ZPLD1: variants seen among roughly 807,000 people sequenced by gnomAD.
The protein encoded by ZPLD1 is zona pellucida like domain containing 1, also known as zona pellucida-like domain-containing protein 1.
A neutral mutation model predicts 47.2 loss-of-function variants in ZPLD1; 34 were observed. The ratio of observed to expected loss-of-function variants is 0.72; its 90% CI spans 0.55 to 0.96. The LOEUF (loss-of-function observed/expected upper bound fraction) is 0.96, where lower values mean the gene tolerates loss of function less well. Ranked by LOEUF, ZPLD1 falls within the 40% of genes least tolerant of loss-of-function variation. ZPLD1 has a pLI of 0.00. For synonymous variants in ZPLD1, 176 were observed against 186.2 expected, an observed-to-expected ratio of 0.95 and a Z score of 0.45; for missense variants, 512 against 505.8, an observed-to-expected ratio of 1.01 and a Z score of -0.12.
chr3:102,454,308 G>A (rs935956993), intron 4 of ZPLD1, among the ~76,000 whole-genome samples: 2 of 152,122 alleles, frequency 1.3e-5, no homozygotes, highest in African/African-American at 4.8e-5. Flanking sequence ...GTGCAGAGAG[G>A]TTATGAAGTG....
At chr3:102,396,504 A>G (rs917991653) in intron 7 of ZPLD1, among the ~76,000 whole-genome samples, 3 of 152,164 alleles carry the variant, frequency 2.0e-5, no homozygotes, top group East Asian at 1.9e-4. Context: ...ATTATTTGGT[A>G]TTGATTACAT....
chr3:102,422,350 T>A (rs761158771), intron 8 of ZPLD1, among the ~76,000 whole-genome samples: 1 of 152,038 alleles, frequency 6.6e-6, no homozygotes, highest in Non-Finnish European at 1.5e-5. Context: ...TGGGGAACTA[T>A]TCCTGGTATA....
At chr3:102,435,832 C>T (rs577413674) in intron 1 of ZPLD1, among the ~76,000 whole-genome samples, 5 of 151,950 alleles carry the variant, frequency 3.3e-5, no homozygotes, top group Admixed American at 2.0e-4. Flanking sequence ...TTACTAGAGA[C>T]GGTGTTTCAC....
chr3:102,432,300 A>C (rs1707025583), upstream of ZPLD1, among the ~76,000 whole-genome samples: 2 of 152,196 alleles, frequency 1.3e-5, no homozygotes, highest in Admixed American at 1.3e-4. Context: ...TGCTCAGTAA[A>C]TGCAGTGGAG....
intron 7 of ZPLD1, among the ~76,000 whole-genome samples, chr3:102,398,692 T>C (rs944661238): frequency 3.3e-5 from 5 of 152,186 alleles, no homozygotes; most frequent in Non-Finnish European, 7.4e-5. Flanking sequence ...GCATTTTTAA[T>C]ATTAACTCTT....
chr3:102,477,281 G>A (rs935017230), intron 11 of ZPLD1, among the ~76,000 whole-genome samples, 162 bp from the exon 12 acceptor site: 1 of 151,962 alleles, frequency 6.6e-6, no homozygotes, highest in Admixed American at 6.6e-5. Context: ...ACAATCCTTT[G>A]GTATTGGGTT....
At chr3:102,447,863 T>C (rs1335708506) in intron 3 of ZPLD1, among the ~76,000 whole-genome samples, 1 of 152,216 alleles carries the variant, frequency 6.6e-6, no homozygotes, top group East Asian at 1.9e-4. Flanking sequence ...TAGAACTTTA[T>C]AGGGGGTAAA....
chr3:102,436,400 T>C (rs1192928707), intron 1 of ZPLD1, among the ~76,000 whole-genome samples: 1 of 152,230 alleles, frequency 6.6e-6, no homozygotes, highest in Non-Finnish European at 1.5e-5. Flanking sequence ...AAGAAAATTG[T>C]ATTAATTACA....
intron 6 of ZPLD1, among the ~76,000 whole-genome samples, chr3:102,461,575 G>A (rs1474325890): frequency 6.6e-6 from 1 of 151,946 alleles, no homozygotes; most frequent in Admixed American, 6.6e-5. Flanking sequence ...GTCTGTGTTT[G>A]TCTCAAAAGC....
intron 1 of ZPLD1, among the ~76,000 whole-genome samples, 184 bp from the exon 2 acceptor site, chr3:102,436,676 A>C (rs1427038512): frequency 6.6e-6 from 1 of 152,218 alleles, no homozygotes; most frequent in Non-Finnish European, 1.5e-5. Flanking sequence ...AACCTCACCC[A>C]TCATTATAAA....
intron 6 of ZPLD1, among the ~76,000 whole-genome samples, chr3:102,386,352 T>A (rs931716775): frequency 2.0e-5 from 3 of 151,064 alleles, no homozygotes; most frequent in Non-Finnish European, 4.4e-5. Context: ...GAACTTTTCC[T>A]CCAGGAATGC....
intron 8 of ZPLD1, among the ~76,000 whole-genome samples, chr3:102,428,050 T>C (rs1007637755): frequency 2.6e-5 from 4 of 152,182 alleles, no homozygotes; most frequent in African/African-American, 4.8e-5. Context: ...TAAAGTCACA[T>C]CAAACTGGCA....
chr3:102,452,880 T>A, intron 3 of ZPLD1, 39 bp from the exon 4 acceptor site: 1 of 1,600,820 alleles, frequency 6.2e-7, no homozygotes, highest in East Asian at 2.2e-5. Context: ...CTTTCTGCTT[T>A]TCTGACTTAT....
chr3:102,437,695 G>A (rs1313558419), intron 2 of ZPLD1, among the ~76,000 whole-genome samples: 1 of 152,154 alleles, frequency 6.6e-6, no homozygotes, highest in African/African-American at 2.4e-5. Context: ...ACGCAAAACT[G>A]ACTGGTGTTT....
At chr3:102,429,606 G>T (rs181287353) in intron 8 of ZPLD1, among the ~76,000 whole-genome samples, 1 of 152,164 alleles carries the variant, frequency 6.6e-6, no homozygotes, top group East Asian at 1.9e-4. Flanking sequence ...CTTGATATTG[G>T]ATGCTCTTAT....
Position 102,477,708 on chromosome 3 carries a change from C to T in ZPLD1, c.*90C>T. ...TGTTCCGTCTGAATTTCATGTCAGTCCACATTCAATATTTGTAGGTTTGAT... is the reference window on the plus strand; with the variant it reads ...TGTTCCGTCTGAATTTCATGTCAGTTCACATTCAATATTTGTAGGTTTGAT... On this transcript the variant is annotated 3_prime_UTR_variant, in exon 12 of 12. Transcript: ENST00000466937. The T allele has an allele frequency of 1.7e-6, 2 of 1,195,600 alleles. No individual in the cohort carries two copies. The highest frequency in any genetic ancestry group is 2.3e-6 in the Non-Finnish European group (2 of 863,306). 74.1% of individuals were successfully genotyped at this position (1,195,600 alleles called of 1,614,324 possible). A position where few individuals can be genotyped will look rare whatever the true frequency, so the allele number is the denominator to read the frequency against.
intron 3 of ZPLD1, among the ~76,000 whole-genome samples, chr3:102,444,441 C>T (rs938523747): frequency 1.3e-5 from 2 of 152,124 alleles, no homozygotes; most frequent in Admixed American, 6.6e-5. Flanking sequence ...AATATCAATA[C>T]CCCTTTAGGA....
intron 10 of ZPLD1, 83 bp downstream of exon 10, chr3:102,470,585 G>T: frequency 9.0e-7 from 1 of 1,115,186 alleles, no homozygotes; most frequent in Non-Finnish European, 1.3e-6. Context: ...AACTCAAAGT[G>T]GTTCCTAAAC....
chr3:102,455,514 A>G (rs544148641), intron 4 of ZPLD1, among the ~76,000 whole-genome samples: 2 of 152,342 alleles, frequency 1.3e-5, no homozygotes, highest in Admixed American at 6.5e-5. Flanking sequence ...CCCTGAGAAG[A>G]TTAATCCTCA....
Sources: allele counts gnomAD v4.1 joint callset (sites outside exome capture counted in the v4.1 genomes callset), GRCh38; gene constraint gnomAD v4.1.1; transcripts MANE v1.5; gene names NCBI Gene and HGNC (gene_info 2026-07-23, HGNC 2026-07-21).